CDH4: variants seen among roughly 807,000 people sequenced by gnomAD.
CDH4 encodes the protein cadherin-4.
A neutral mutation model predicts 86.0 loss-of-function variants in CDH4; 33 were observed. That is an observed-to-expected ratio of 0.38 (90% CI 0.29 to 0.51). The LOEUF is 0.51. CDH4 is among the 20% of genes least tolerant of loss of function. The probability of loss-of-function intolerance (pLI) is 0.86; values close to 1 mark genes in which losing one functional copy is unlikely to be tolerated. For missense variants in CDH4, 1,114 were observed against 1,307.4 expected (o/e 0.85, Z 2.28); for synonymous variants, 555 against 549.4 (o/e 1.01, Z -0.14).
At chr20:61,430,817 A>G (rs1156253637) in intron 2 of CDH4, among the ~76,000 whole-genome samples, 1 of 152,168 alleles carries the variant, frequency 6.6e-6, no homozygotes, top group Non-Finnish European at 1.5e-5. Context: ...CATACACTTC[A>G]GCTCTCATTT....
At chr20:61,892,320 G>A (rs1003866517) in intron 7 of CDH4, among the ~76,000 whole-genome samples, 1 of 152,208 alleles carries the variant, frequency 6.6e-6, no homozygotes, top group Non-Finnish European at 1.5e-5. Context: ...TTAACTTGCT[G>A]TCATGGGGCA....
chr20:61,520,722 G>C (rs187918078), intron 2 of CDH4, among the ~76,000 whole-genome samples: 1 of 152,168 alleles, frequency 6.6e-6, no homozygotes, highest in South Asian at 2.1e-4. Context: ...AAATCAGAGT[G>C]CACGCCAAGG....
chr20:61,690,456 A>G (rs2145871301), intron 2 of CDH4, among the ~76,000 whole-genome samples: 1 of 152,178 alleles, frequency 6.6e-6, no homozygotes, highest in East Asian at 1.9e-4. Context: ...GAGGGGCTAC[A>G]GGGTTTGCAG....
intron 2 of CDH4, among the ~76,000 whole-genome samples, chr20:61,631,175 G>A (rs572628001): frequency 1.1e-4 from 16 of 152,354 alleles, no homozygotes; most frequent in African/African-American, 3.6e-4. Context: ...ATAAGACAGC[G>A]TGGCTCCCCT....
At chr20:61,700,473 C>T (rs139121679) in intron 2 of CDH4, among the ~76,000 whole-genome samples, 1 of 152,306 alleles carries the variant, frequency 6.6e-6, no homozygotes, top group East Asian at 1.9e-4. Context: ...TACTCCAGCG[C>T]ATGACAGAAG....
intron 4 of CDH4, among the ~76,000 whole-genome samples, chr20:61,822,481 C>T (rs1481647135): frequency 6.6e-6 from 1 of 152,174 alleles, no homozygotes; most frequent in Non-Finnish European, 1.5e-5. Context: ...GGCAGAGAGC[C>T]GCAGCGAAGG....
intron 2 of CDH4, among the ~76,000 whole-genome samples, chr20:61,353,688 CCTCCTCCCCTCCTCCTCCT>C (rs2084729187): frequency 5.3e-4 from 21 of 39,860 alleles, no homozygotes; most frequent in South Asian, 1.3e-3. Flanking sequence ...TCCTCCCCCT[CCTCCTCCCCTCCTCCTCCT>C]CCCCTGCTTC....
intron 2 of CDH4, among the ~76,000 whole-genome samples, chr20:61,519,337 G>A (rs1359447631): frequency 6.6e-6 from 1 of 152,218 alleles, no homozygotes; most frequent in Non-Finnish European, 1.5e-5. Context: ...TCCCAGCACT[G>A]TGTTTCTAGC....
chr20:61,923,873 C>T (rs1489275130), intron 10 of CDH4, among the ~76,000 whole-genome samples, 169 bp downstream of exon 10: 1 of 152,200 alleles, frequency 6.6e-6, no homozygotes, highest in Non-Finnish European at 1.5e-5. Flanking sequence ...CCCCTTAGTC[C>T]CAGATAGCCA....
At chr20:61,653,627 ACGGGG>A (rs1457014505) in intron 2 of CDH4, among the ~76,000 whole-genome samples, 3 of 128,154 alleles carry the variant, frequency 2.3e-5, no homozygotes, top group Admixed American at 7.6e-5. Flanking sequence ...CACTTCCCAG[ACGGGG>A]TGGCTGCCGG....
At chr20:61,821,036 G>A (rs1278246516) in intron 4 of CDH4, among the ~76,000 whole-genome samples, 13 of 95,070 alleles carry the variant, frequency 1.4e-4, no homozygotes, top group African/African-American at 5.0e-4. Context: ...GCTACCCCCC[G>A]CCCCAAAGCT....
intron 2 of CDH4, among the ~76,000 whole-genome samples, chr20:61,432,872 T>C (rs1403763535): frequency 6.9e-6 from 1 of 145,844 alleles, no homozygotes; most frequent in East Asian, 2.0e-4. Flanking sequence ...AGAGTCTTGC[T>C]CTGTTGCCCA....
chr20:61,894,830 G>T (rs1985023642), intron 7 of CDH4, 80 bp from the exon 8 acceptor site: 4 of 1,475,300 alleles, frequency 2.7e-6, no homozygotes, highest in Non-Finnish European at 3.7e-6. Flanking sequence ...TCCTGTAAAC[G>T]GATTTCTTTT....
intron 3 of CDH4, among the ~76,000 whole-genome samples, chr20:61,772,003 T>G (rs2088780962): frequency 6.6e-6 from 1 of 152,122 alleles, no homozygotes; most frequent in Non-Finnish European, 1.5e-5. Context: ...CTGTGCTGAG[T>G]GACCGCGGGG....
rs2055203967 is a variant in CDH4, at chr20:61,937,233, A to AG, written c.*290_*291insG. 5.0e-6 allele frequency: 1 copy of AG among 200,586 alleles called. No individual in the cohort carries two copies. Among genetic ancestry groups the AG allele is most frequent in the Non-Finnish European group, 9.3e-6 (1 of 107,992 alleles). The allele number at this position is 200,586 out of a possible 1,614,324, so 12.4% of individuals were successfully genotyped here. A position where few individuals can be genotyped will look rare whatever the true frequency, so the allele number is the denominator to read the frequency against. Reference sequence around the variant, plus strand: ...GCACTGTTTTTAAAAAAAAAAAAAAAAAAAGAAGAAAGAAAGAAAAAAAAA... The same window carrying AG: ...GCACTGTTTTTAAAAAAAAAAAAAAAGAAAAGAAGAAAGAAAGAAAAAAAAA... On this transcript the variant is annotated 3_prime_UTR_variant, in exon 16 of 16. Transcript: ENST00000614565.
intron 2 of CDH4, among the ~76,000 whole-genome samples, chr20:61,507,455 G>A (rs537754665): frequency 9.2e-5 from 14 of 152,222 alleles, no homozygotes; most frequent in South Asian, 8.3e-4. Context: ...GCACGTGACC[G>A]GGCTGCTCTT....
intron 2 of CDH4, among the ~76,000 whole-genome samples, chr20:61,288,274 T>C (rs2084303689): frequency 6.6e-6 from 1 of 152,226 alleles, no homozygotes; most frequent in Non-Finnish European, 1.5e-5. Context: ...TTCTCAATCT[T>C]CTGGATAGGC....
chr20:61,600,014 A>C (rs2086587318), intron 2 of CDH4: 1 of 898,268 alleles, frequency 1.1e-6, no homozygotes, highest in African/African-American at 1.8e-5. Context: ...TGATGGGGAA[A>C]GTGTGAAGGG....
intron 2 of CDH4, among the ~76,000 whole-genome samples, chr20:61,556,789 T>C (rs2086181088): frequency 6.6e-6 from 1 of 152,082 alleles, no homozygotes; most frequent in African/African-American, 2.4e-5. Context: ...CCAGTGGCTG[T>C]CCTCTGCACA....
Sources: gnomAD v4.1 joint callset for allele counts (sites outside exome capture counted in the v4.1 genomes callset) on GRCh38, gnomAD v4.1.1 for gene constraint, MANE v1.5 for transcripts, NCBI Gene and HGNC (gene_info 2026-07-23, HGNC 2026-07-21) for gene names.